PRKD1: variants seen among roughly 807,000 people sequenced by gnomAD.
The protein encoded by PRKD1 is serine/threonine-protein kinase D1.
A neutral mutation model predicts 95.9 loss-of-function variants in PRKD1; 63 were observed. The ratio of observed to expected loss-of-function variants is 0.66; its 90% confidence interval spans 0.54 to 0.81. PRKD1 has a LOEUF of 0.81. Among genes scored for constraint, PRKD1 ranks in the 30% least tolerant of loss-of-function variants. The pLI, the probability that PRKD1 is intolerant of heterozygous loss-of-function variation, is 0.00. For synonymous variants in PRKD1, 425 were observed against 423.1 expected (o/e 1.00, Z -0.05); for missense variants, 1,048 against 1,165.3 (o/e 0.90, Z 1.47).
chr14:29,770,676 A>G (rs992788090), intron 1 of PRKD1, among the ~76,000 whole-genome samples: 5 of 152,190 alleles, frequency 3.3e-5, no homozygotes, highest in African/African-American at 1.2e-4. Context: ...TGAAAGAGAT[A>G]TCTAAGGAGG....
intron 11 of PRKD1, among the ~76,000 whole-genome samples, chr14:29,628,460 TA>T (rs1347632857): frequency 4.6e-5 from 7 of 152,178 alleles, no homozygotes; most frequent in Non-Finnish European, 8.8e-5. Context: ...AAATATTTCA[TA>T]ATATGTCTGA....
chr14:29,632,996 C>T (rs1047949899), intron 8 of PRKD1, 50 bp from the exon 9 acceptor site: 3 of 1,488,630 alleles, frequency 2.0e-6, no homozygotes, highest in East Asian at 4.5e-5. Context: ...TTAAAAATAT[C>T]CCCAATTGAA....
chr14:29,927,105 C>T lies in PRKD1; in HGVS notation c.264+144G>A, dbSNP rs867060986. ...TCGGGTTGCAGGCGTCCAGCCGCGG[C>T]GGGGCCAGCCGCTTCCAGAGCGCCG... On this transcript the variant is annotated intron_variant, in intron 1 of 17. Coordinates refer to ENST00000331968, the MANE Select transcript of PRKD1 (RefSeq NM_002742.3). 2.2e-5 allele frequency: 19 copies of T among 855,830 alleles called. No homozygotes were observed. The Middle Eastern group carries it at 1.2e-3, about 56-fold the overall frequency. 53.0% of individuals were successfully genotyped at this position (855,830 alleles called of 1,614,324 possible).
At chr14:29,909,366 C>A (rs1465189962) in intron 1 of PRKD1, among the ~76,000 whole-genome samples, 1 of 151,506 alleles carries the variant, frequency 6.6e-6, no homozygotes, top group East Asian at 2.0e-4. Context: ...GCGCCCAGTC[C>A]CATCAACTGC....
At chr14:29,624,832 C>T (rs1224414555) in intron 12 of PRKD1, among the ~76,000 whole-genome samples, 1 of 152,116 alleles carries the variant, frequency 6.6e-6, no homozygotes, top group African/African-American at 2.4e-5. Flanking sequence ...TTATCATCAT[C>T]ATCACCATAT....
At chr14:29,694,902 A>T (rs958634226) in intron 2 of PRKD1, among the ~76,000 whole-genome samples, 1 of 152,160 alleles carries the variant, frequency 6.6e-6, no homozygotes, top group African/African-American at 2.4e-5. Context: ...CAAAGAGATC[A>T]ATGAAAGAAT....
chr14:29,690,807 T>G (rs1217856380), intron 2 of PRKD1, among the ~76,000 whole-genome samples: 4 of 152,318 alleles, frequency 2.6e-5, no homozygotes, highest in Middle Eastern at 3.4e-3. Context: ...CATTTCAATA[T>G]CTCAGAATAC....
intron 16 of PRKD1, among the ~76,000 whole-genome samples, chr14:29,585,618 G>A (rs1892895415): frequency 6.6e-6 from 1 of 152,082 alleles, no homozygotes; most frequent in Admixed American, 6.5e-5. Context: ...TCATTTTAAT[G>A]AACTAGGCAT....
intron 1 of PRKD1, among the ~76,000 whole-genome samples, chr14:29,787,226 T>G (rs1009994637): frequency 1.3e-5 from 2 of 150,222 alleles, no homozygotes; most frequent in Non-Finnish European, 3.0e-5. Context: ...TTTTTTTTTT[T>G]TTTTTTTTTT....
At chr14:29,634,028 G>T (rs79685588) in intron 8 of PRKD1, among the ~76,000 whole-genome samples, 278 of 152,294 alleles carry the variant, frequency 1.8e-3, no homozygotes, top group African/African-American at 6.3e-3. Context: ...ACTTAGTTAA[G>T]GACTTACGAA....
In PRKD1 at chr14:29,899,308, C is replaced by A. The variant is rs554164198; in HGVS notation, c.264+27941G>T. On this transcript the variant is annotated intron_variant, in intron 1 of 17. Coordinates refer to ENST00000331968, the MANE Select transcript of PRKD1 (RefSeq NM_002742.3). Reference sequence around the variant, plus strand: ...AAACCTTGTCAAAAAAACACATAATCTATTTTGTACAATACACCTTATACA... The same window carrying A: ...AAACCTTGTCAAAAAAACACATAATATATTTTGTACAATACACCTTATACA... Among the ~76,000 whole-genome samples the A allele has an allele frequency of 3.3e-5, 5 of 152,172 alleles. No homozygotes were observed. In the East Asian group the frequency reaches 9.6e-4, roughly 29 times the overall value.
chr14:29,775,841 C>T (rs1471356058), intron 1 of PRKD1, among the ~76,000 whole-genome samples: 16 of 152,136 alleles, frequency 1.1e-4, no homozygotes, highest in Admixed American at 4.6e-4. Context: ...ACAGCCAGAC[C>T]GCCTCCTCAA....
In PRKD1 at chr14:29,901,567, A is replaced by T. The variant is rs1215087170; in HGVS notation, c.264+25682T>A. Among the ~76,000 whole-genome samples, 4 of 152,228 alleles carry T rather than the reference A, an allele frequency of 2.6e-5. No individual in the cohort carries two copies. In the East Asian group the frequency reaches 7.7e-4, roughly 29 times the overall value. ...TCAAACTTTGTCAAAAGCTGAAATTATAAAAAATAAAAATAAAAAAGATAC... is the reference window on the plus strand; with the variant it reads ...TCAAACTTTGTCAAAAGCTGAAATTTTAAAAAATAAAAATAAAAAAGATAC... On this transcript the variant is annotated intron_variant, in intron 1 of 17. Transcript: ENST00000331968.
chr14:29,894,236 G>T (rs369089579), intron 1 of PRKD1, among the ~76,000 whole-genome samples: 1 of 152,220 alleles, frequency 6.6e-6, no homozygotes, highest in African/African-American at 2.4e-5. Context: ...AGGCGGGGGA[G>T]TATAAGGAAC....
chr14:29,627,543 AT>A (rs1879705198), intron 11 of PRKD1, among the ~76,000 whole-genome samples: 1 of 152,212 alleles, frequency 6.6e-6, no homozygotes, highest in Non-Finnish European at 1.5e-5. Context: ...CTGTGATTTC[AT>A]TCTGATGAAA....
At chr14:29,917,835 T>A (rs1239388498) in intron 1 of PRKD1, among the ~76,000 whole-genome samples, 1 of 152,102 alleles carries the variant, frequency 6.6e-6, no homozygotes, top group Non-Finnish European at 1.5e-5. Context: ...CGCAATAGGA[T>A]CCTTACTTGG....
chr14:29,760,072 A>G (rs1887903137), intron 1 of PRKD1, among the ~76,000 whole-genome samples: 2 of 152,204 alleles, frequency 1.3e-5, no homozygotes, highest in Non-Finnish European at 2.9e-5. Flanking sequence ...TTAATGGGCA[A>G]GAATCATTGT....
intron 1 of PRKD1, among the ~76,000 whole-genome samples, chr14:29,826,804 C>CATAT (rs1303314668): frequency 0.14 from 4,566 of 33,240 alleles, 1,006 homozygotes; most frequent in Non-Finnish European, 0.2. Context: ...TATATATACA[C>CATAT]ATATATATAC....
At chr14:29,605,364 C>A (rs902193967) in intron 13 of PRKD1, among the ~76,000 whole-genome samples, 1 of 152,208 alleles carries the variant, frequency 6.6e-6, no homozygotes, top group African/African-American at 2.4e-5. Context: ...AAGTATTTCT[C>A]CAGCTTTGTC....
Sources: gnomAD v4.1 joint callset for allele counts (sites outside exome capture counted in the v4.1 genomes callset) on GRCh38, gnomAD v4.1.1 for gene constraint, MANE v1.5 for transcripts, NCBI Gene and HGNC (gene_info 2026-07-23, HGNC 2026-07-21) for gene names.